Variants in DMD observed in about 807,000 individuals in gnomAD.
The protein encoded by DMD is dystrophin, also known as mutant dystrophin.
Under a neutral mutation model 330.1 loss-of-function variants are expected in DMD, and 63 were observed. That is an observed-to-expected ratio of 0.19 (90% confidence interval 0.16 to 0.24). The LOEUF is 0.24. Ranked by LOEUF, DMD falls within the 10% of genes least tolerant of loss-of-function variation. DMD has a pLI of 1.00. For missense variants in DMD, 3,344 were observed against 2,684.1 expected, an observed-to-expected ratio of 1.25 and a Z score of -5.43; for synonymous variants, 1,223 against 959.8, an observed-to-expected ratio of 1.27 and a Z score of -5.07.
intron 51 of DMD, among the ~76,000 whole-genome samples, chrX:31,752,482 G>T (rs1052583359): frequency 9.0e-6 from 1 of 111,007 alleles, no homozygotes; most frequent in African/African-American, 3.3e-5. Context: ...TTAACCAAAG[G>T]CCTCCGGAAG....
intron 1 of DMD, among the ~76,000 whole-genome samples, chrX:33,170,668 A>T (rs1340192331): frequency 8.9e-6 from 1 of 111,803 alleles, no homozygotes; most frequent in Non-Finnish European, 1.9e-5. Context: ...TTTTACACTA[A>T]GTCTTCAAAG....
At chrX:32,387,107 T>TA in intron 32 of DMD, among the ~76,000 whole-genome samples, 1 of 111,018 alleles carries the variant, frequency 9.0e-6, no homozygotes, top group South Asian at 3.7e-4. Flanking sequence ...AAACCAGATA[T>TA]AAAAATATTA....
intron 43 of DMD, among the ~76,000 whole-genome samples, chrX:32,256,074 G>A (rs913895926): frequency 2.7e-5 from 3 of 111,664 alleles, no homozygotes; most frequent in Admixed American, 1.9e-4. Context: ...AATATTGACA[G>A]TGGAGTATAA....
intron 2 of DMD, among the ~76,000 whole-genome samples, chrX:32,909,701 T>C (rs995057718): frequency 8.9e-6 from 1 of 111,866 alleles, no homozygotes; most frequent in African/African-American, 3.3e-5. Flanking sequence ...CAGTAAGAAA[T>C]TGAATTCAAT....
chrX:32,700,644 C>T (rs920834927), intron 7 of DMD, among the ~76,000 whole-genome samples: 2 of 111,451 alleles, frequency 1.8e-5, no homozygotes, highest in Admixed American at 9.6e-5. Context: ...TATTTCAAAA[C>T]ATCGTGTTGT....
intron 47 of DMD, among the ~76,000 whole-genome samples, chrX:31,889,042 C>T (rs2094196322): frequency 8.9e-6 from 1 of 111,970 alleles, no homozygotes; most frequent in African/African-American, 3.2e-5. Context: ...ATTGCATAAC[C>T]ACTTCATTAC....
intron 56 of DMD, among the ~76,000 whole-genome samples, chrX:31,506,080 C>T (rs2070915579): frequency 9.0e-6 from 1 of 111,729 alleles, no homozygotes; most frequent in Non-Finnish European, 1.9e-5. Context: ...AGCATTAAAC[C>T]GGTCAATGAA....
intron 60 of DMD, among the ~76,000 whole-genome samples, chrX:31,410,065 C>T (rs1356694440): frequency 8.9e-6 from 1 of 112,132 alleles, no homozygotes. Context: ...GGTGATCTGC[C>T]CACCTCAGCC....
At chrX:32,441,734 T>C (rs755301228) in intron 27 of DMD, among the ~76,000 whole-genome samples, 1 of 111,667 alleles carries the variant, frequency 9.0e-6, no homozygotes, top group African/African-American at 3.2e-5. Flanking sequence ...AGTTTAACTA[T>C]AGCTCTCTTT....
chrX:31,916,149 C>T (rs959265558), intron 47 of DMD, among the ~76,000 whole-genome samples: 3 of 111,818 alleles, frequency 2.7e-5, no homozygotes, highest in Non-Finnish European at 3.8e-5. Flanking sequence ...GTGAATCATC[C>T]TAGCTGCGCT....
intron 1 of DMD, among the ~76,000 whole-genome samples, chrX:33,154,923 T>C (rs2048436724): frequency 8.9e-6 from 1 of 112,317 alleles, no homozygotes; most frequent in Non-Finnish European, 1.9e-5. Flanking sequence ...TTCTTATTTT[T>C]AGTGATTTAA....
At chrX:32,951,065 A>G (rs1394804430) in intron 2 of DMD, among the ~76,000 whole-genome samples, 1 of 111,642 alleles carries the variant, frequency 9.0e-6, no homozygotes, top group African/African-American at 3.3e-5. Flanking sequence ...TGAGAAAATC[A>G]TCAGTCCAGG....
intron 44 of DMD, among the ~76,000 whole-genome samples, chrX:32,028,194 G>A (rs769136300): frequency 2.7e-5 from 3 of 111,275 alleles, no homozygotes; most frequent in African/African-American, 9.8e-5. Flanking sequence ...TGCCTTACTC[G>A]AGTATGGTGG....
At chrX:32,979,242 G>A (rs2092638146) in intron 2 of DMD, among the ~76,000 whole-genome samples, 1 of 112,106 alleles carries the variant, frequency 8.9e-6, no homozygotes, top group Non-Finnish European at 1.9e-5. Context: ...TCAGATGATG[G>A]ATGTACAAGT....
chrX:31,741,456 A>G (rs1300011941), intron 51 of DMD, among the ~76,000 whole-genome samples: 1 of 111,896 alleles, frequency 8.9e-6, no homozygotes, highest in Non-Finnish European at 1.9e-5. Context: ...TGCAGAATGG[A>G]TGTTGTGTTA....
intron 44 of DMD, among the ~76,000 whole-genome samples, chrX:32,111,889 G>C (rs1288952807): frequency 8.9e-6 from 1 of 111,895 alleles, no homozygotes; most frequent in African/African-American, 3.2e-5. Flanking sequence ...TTTGCCCATT[G>C]AGCAGAGGCT....
intron 63 of DMD, among the ~76,000 whole-genome samples, chrX:31,245,580 T>G (rs772171461): frequency 1.8e-5 from 2 of 112,175 alleles, no homozygotes; most frequent in Admixed American, 1.9e-4. Flanking sequence ...GTTGAGCATG[T>G]CTATGGACAT....
At chrX:32,621,712 G>A (rs944782627) in intron 11 of DMD, among the ~76,000 whole-genome samples, 6 of 110,326 alleles carry the variant, frequency 5.4e-5, no homozygotes, top group African/African-American at 2.0e-4. Context: ...GTGTGCAAAC[G>A]GGATGGCTCA....
chrX:32,662,034 C>G (rs960022900), intron 9 of DMD, among the ~76,000 whole-genome samples: 1 of 111,219 alleles, frequency 9.0e-6, no homozygotes, highest in African/African-American at 3.3e-5. Context: ...AACAGAAATA[C>G]CTTTTTGTCA....
Sources: allele counts gnomAD v4.1 joint callset (sites outside exome capture counted in the v4.1 genomes callset), GRCh38; gene constraint gnomAD v4.1.1; transcripts MANE v1.5; gene names NCBI Gene and HGNC (gene_info 2026-07-23, HGNC 2026-07-21).